DNAJB1: variants seen among roughly 807,000 people sequenced by gnomAD.
The protein encoded by DNAJB1 is DnaJ heat shock protein family (Hsp40) member B1, also known as dnaJ homolog subfamily B member 1.
DNAJB1 carries 14 observed loss-of-function variants against 24.0 expected under a neutral mutation model. The observed-to-expected ratio is 0.58, with a 90% CI of 0.39 to 0.91. The LOEUF (loss-of-function observed/expected upper bound fraction) is 0.91, where lower values mean the gene tolerates loss of function less well. DNAJB1 is among the 40% of genes least tolerant of loss of function. The pLI, the probability that DNAJB1 is intolerant of heterozygous loss-of-function variation, is 0.00. For missense variants in DNAJB1, 517 were observed against 458.1 expected (o/e 1.13, Z -1.17); for synonymous variants, 262 against 174.4 (o/e 1.50, Z -3.96).
intron 1 of DNAJB1, chr19:14,517,858 T>G: frequency 3.1e-6 from 1 of 325,110 alleles, no homozygotes; most frequent in Non-Finnish European, 5.6e-6. Flanking sequence ...CCCACCCCCA[T>G]GCACCGCACC....
intron 1 of DNAJB1, among the ~76,000 whole-genome samples, chr19:14,547,968 T>C (rs1399826193): frequency 1.3e-5 from 2 of 149,916 alleles, no homozygotes. Flanking sequence ...CATTTCTTTT[T>C]TTTTTTTTTT....
chr19:14,531,637 G>T (rs1313091884), upstream of DNAJB1: 1 of 152,124 alleles, frequency 6.6e-6, no homozygotes, highest in Non-Finnish European at 1.5e-5. Flanking sequence ...GGTCAGGCTG[G>T]TCTCGAACTC....
In DNAJB1 at chr19:14,518,181, C is replaced by T; in HGVS notation, c.169G>A (p.Asp57Asn). The change falls in exon 1 of 3, where the codon GAC (aspartate) becomes AAC (asparagine). Residue 57 changes from aspartate (D) to asparagine (N), a missense_variant. Physicochemically the swap from Asp to Asn is conservative, Grantham distance 23 (BLOSUM62 1). Transcript: ENST00000254322. ...TCGAAGATCTCGCGCTTGCGCGGGT[C>T]GCTGAGCACGTCGTAGGCCTCAGCG... The part of the protein sequence containing the change: ...EIAEAYDVLS[D>N]PRKREIFDRY... 6.3e-7 allele frequency: 1 copy of T among 1,593,514 alleles called. No homozygotes were observed. The highest frequency in any genetic ancestry group is 8.5e-7 in the Non-Finnish European group (1 of 1,170,966).
Position 14,559,786 on chromosome 19 carries a change from CAAA to C in DNAJB1, c.-2166+242_-2166+244del, listed in dbSNP as rs5827240. Among the ~76,000 whole-genome samples, 7 of 138,976 alleles carry C rather than the reference CAAA, an allele frequency of 5.0e-5. No homozygotes were observed. In the East Asian group the frequency reaches 6.7e-4, roughly 13 times the overall value. 91.2% of individuals were successfully genotyped at this position (138,976 alleles called of 152,430 possible). On this transcript the variant is annotated intron_variant, in intron 1 of 5. Transcript: ENST00000679223. The stretch of plus-strand genomic sequence containing the variant: ...TGGGCGACAGAGTGAGACTCTGTCT[CAAA>C]AAAAAAAAAAAATTATAGAGACACA...
chr19:14,554,079 AGGCCCATGTGTGGTG>A (rs2073634414), upstream of DNAJB1, among the ~76,000 whole-genome samples: 1 of 152,184 alleles, frequency 6.6e-6, no homozygotes, highest in African/African-American at 2.4e-5. Flanking sequence ...GGGGCCCTGG[AGGCCCATGTGTGGTG>A]GGGTATGGCC....
At chr19:14,543,532 G>A (rs1342015659) in intron 1 of DNAJB1, among the ~76,000 whole-genome samples, 2 of 132,620 alleles carry the variant, frequency 1.5e-5, no homozygotes, top group African/African-American at 5.8e-5. Context: ...TCCGTCTCCC[G>A]GGTTCACGCC....
intron 1 of DNAJB1, among the ~76,000 whole-genome samples, chr19:14,556,434 C>CAAACAAAAA (rs1491415468): frequency 7.8e-6 from 1 of 128,672 alleles, no homozygotes; most frequent in Non-Finnish European, 1.6e-5. Flanking sequence ...ACAAAAAAAA[C>CAAACAAAAA]CACATTGTGA....
chr19:14,517,111 CA>C (rs1599380342), intron 1 of DNAJB1, 65 bp from the exon 2 acceptor site: 3 of 1,504,060 alleles, frequency 2.0e-6, no homozygotes, highest in Non-Finnish European at 2.7e-6. Context: ...GCTTCCCTTA[CA>C]GGGGGAAACA....
At chr19:14,549,210 A>ATTTT (rs2073405465) in intron 1 of DNAJB1, among the ~76,000 whole-genome samples, 6 of 106,654 alleles carry the variant, frequency 5.6e-5, no homozygotes, top group Admixed American at 9.2e-5. Flanking sequence ...CTTTAATTGG[A>ATTTT]CTTTTTTTTT....
At chr19:14,519,755 C>A (rs959830550), upstream of DNAJB1, among the ~76,000 whole-genome samples, 2 of 152,198 alleles carry the variant, frequency 1.3e-5, no homozygotes, top group African/African-American at 4.8e-5. Context: ...TCTTCCCCAA[C>A]TACCTTTATA....
chr19:14,551,053 T>C (rs1417584842), upstream of DNAJB1, among the ~76,000 whole-genome samples: 1 of 151,998 alleles, frequency 6.6e-6, no homozygotes, highest in East Asian at 1.9e-4. Flanking sequence ...AGATCCTTAA[T>C]TATATCTGCA....
intron 2 of DNAJB1, among the ~76,000 whole-genome samples, chr19:14,525,762 C>T (rs2072413348): frequency 6.7e-6 from 1 of 150,114 alleles, no homozygotes; most frequent in Non-Finnish European, 1.5e-5. Flanking sequence ...GAGCTGTACA[C>T]TAAAATGGGT....
chr19:14,517,056 A>C lies in DNAJB1; in HGVS notation c.212-10T>G. The stretch of plus-strand genomic sequence containing the variant: ...CCACTCCCCTTTAGGCCTGAAAAGC[A>C]GATTTAGAAGCAGTCAGATGGCTGA... On this transcript the variant is annotated splice_polypyrimidine_tract_variant and intron_variant, in intron 1 of 2. Coordinates refer to ENST00000254322, the MANE Select transcript of DNAJB1 (RefSeq NM_006145.3). The C allele has an allele frequency of 6.3e-7, 1 of 1,594,040 alleles. No individual in the cohort carries two copies. Among genetic ancestry groups the C allele is most frequent in the Non-Finnish European group, 8.6e-7 (1 of 1,169,118 alleles).
chr19:14,557,534 C>T (rs1444246715), intron 1 of DNAJB1, among the ~76,000 whole-genome samples: 2 of 147,804 alleles, frequency 1.4e-5, no homozygotes, highest in African/African-American at 5.0e-5. Flanking sequence ...TCACTGCAAC[C>T]TCCTCCTCCT....
rs1476400304 is a variant in DNAJB1, at chr19:14,514,950, T to C, written c.*990A>G. The C allele has an allele frequency of 1.3e-5, 2 of 152,652 alleles. No individual in the cohort carries two copies. Among genetic ancestry groups the C allele is most frequent in the Non-Finnish European group, 1.5e-5 (1 of 68,078 alleles). 9.5% of individuals were successfully genotyped at this position (152,652 alleles called of 1,614,324 possible). A position where few individuals can be genotyped will look rare whatever the true frequency, so the allele number is the denominator to read the frequency against. On this transcript the variant is annotated 3_prime_UTR_variant, in exon 3 of 3. Transcript: ENST00000254322. ...CCAAGATTTCTTCAGAATTCCATTA[T>C]GGCCCTATACAGAGAGCACTGGCTG...
In DNAJB1 at chr19:14,516,792, C is replaced by A. The variant is rs750748627; in HGVS notation, c.466G>T (p.Ala156Ser). 5 of 1,613,828 alleles carry A rather than the reference C, an allele frequency of 3.1e-6. No homozygotes were observed. Among genetic ancestry groups the A allele is most frequent in the Admixed American group, 1.7e-5 (1 of 60,002 alleles). The change falls in exon 2 of 3, where the codon GCC becomes TCC. Residue 156 changes from alanine (A) to serine (S), a missense_variant. Transcript: ENST00000254322. ...ACTGGGGGATCTTGCTTCTTTCGGG[C>A]GGGCTCTTGGGCAGAGCGGGAGCGG... ...FGRSRSAQEP[A>S]RKKQDPPVTH...
chr19:14,549,888 A>T (rs1472686021), intron 1 of DNAJB1, among the ~76,000 whole-genome samples: 1 of 151,804 alleles, frequency 6.6e-6, no homozygotes, highest in East Asian at 1.9e-4. Context: ...GGTTGCAGTG[A>T]GCCGAGATTG....
In DNAJB1 at chr19:14,557,131, T is replaced by G. The variant is rs145561011; in HGVS notation, c.-2165-2813A>C. Among the ~76,000 whole-genome samples the G allele has an allele frequency of 8.7e-4, 130 of 149,970 alleles. 1 individual carries two copies. In the South Asian group the frequency reaches 0.026, roughly 30 times the overall value. ...GGTCTAATCTTATTTATTTATTTAT[T>G]TATTTATTTATTTATTTATTTATTT... On this transcript the variant is annotated intron_variant, in intron 1 of 5. Transcript: ENST00000679223.
chr19:14,529,982 C>T, upstream of DNAJB1: 1 of 556,218 alleles, frequency 1.8e-6, no homozygotes, highest in Non-Finnish European at 3.2e-6. Context: ...AGGTTCCTTG[C>T]AGCTCCCCCA....
Sources: gnomAD v4.1 joint callset for allele counts (sites outside exome capture counted in the v4.1 genomes callset) on GRCh38, gnomAD v4.1.1 for gene constraint, MANE v1.5 for transcripts, NCBI Gene and HGNC (gene_info 2026-07-23, HGNC 2026-07-21) for gene names.